The following HLA-DQA2 variants were observed in gnomAD, a reference collection of about 807,000 sequenced individuals.
HLA-DQA2 encodes the protein HLA class II histocompatibility antigen, DQ alpha 2 chain.
A neutral mutation model predicts 21.0 loss-of-function variants in HLA-DQA2; 17 were observed. The observed-to-expected ratio is 0.81, with a 90% CI of 0.56 to 1.22. The LOEUF is 1.22. Among genes scored for constraint, HLA-DQA2 ranks in the 50% most tolerant of loss-of-function variants. HLA-DQA2 has a pLI of 0.00. For synonymous variants in HLA-DQA2, 81 were observed against 116.5 expected, an observed-to-expected ratio of 0.70 and a Z score of 1.96; for missense variants, 239 against 308.8, an observed-to-expected ratio of 0.77 and a Z score of 1.69.
rs1415285239 is a variant in HLA-DQA2, at chr6:32,745,408, G to T, written c.331+1G>T. 4.3e-6 allele frequency: 7 copies of T among 1,613,624 alleles called. No homozygotes were observed. Among genetic ancestry groups the T allele is most frequent in the Non-Finnish European group, 5.9e-6 (7 of 1,179,848 alleles). ...TCCAACTCTACCGCTGCCACCAATG[G>T]TACGTGTCCACCATTCCGCCTCTCT... On this transcript the variant is annotated splice_donor_variant, in intron 2 of 4. Transcript: ENST00000374940. LOFTEE classifies it high-confidence loss of function.
At position 32,741,427 on chromosome 6, in the gene HLA-DQA2, G is replaced by C. The variant is rs9276401; in HGVS notation, c.-17G>C. On this transcript the variant is annotated 5_prime_UTR_variant, in exon 1 of 5. Transcript: ENST00000374940. ...ACAGCTCAGAGCAGCAACTGCTGAG[G>C]CTGCCTTGGGAAGAAGATGATCCTA... 0.2 allele frequency: 321,898 copies of C among 1,606,718 alleles called. 29,821 individuals are homozygous for C. Among genetic ancestry groups the C allele is most frequent in the African/African-American group, 0.29 (21,365 of 74,192 alleles).
rs773803332 is a variant in HLA-DQA2, at chr6:32,745,386, A to G, written c.310A>G (p.Asn104Asp). The change falls in exon 2 of 5, where the codon AAC becomes GAC. Residue 104 changes from asparagine (N) to aspartate (D), a missense_variant. By Grantham distance (23) the Asn-to-Asp change is conservative (BLOSUM62 1). Transcript: ENST00000374940. ...HTLEFMMRQS[N>D]STAATNEVPE... The stretch of plus-strand genomic sequence containing the variant: ...CTTGGAATTCATGATGAGACAGTCC[A>G]ACTCTACCGCTGCCACCAATGGTAC... The G allele has an allele frequency of 6.2e-7, 1 of 1,611,438 alleles. No individual in the cohort carries two copies. Among genetic ancestry groups the G allele is most frequent in the East Asian group, 2.2e-5 (1 of 44,842 alleles).
At chr6:32,746,439 G>A in intron 4 of HLA-DQA2, 25 bp downstream of exon 4, 1 of 1,612,182 alleles carries the variant, frequency 6.2e-7, no homozygotes, top group Non-Finnish European at 8.5e-7. Context: ...TGTTGGAGCT[G>A]AAACCTCAGT....
In HLA-DQA2 at chr6:32,746,091, A is replaced by G. The variant is rs1213916756; in HGVS notation, c.613+19A>G. The G allele has an allele frequency of 6.3e-7, 1 of 1,599,984 alleles. No individual in the cohort carries two copies. The highest frequency in any genetic ancestry group is 1.3e-5 in the African/African-American group (1 of 74,814). ...CACTGGGGTAAGGATGAGTTCCACC[A>G]CTTCATGGGTTTCTAATAATAGACT... On this transcript the variant is annotated intron_variant, in intron 3 of 4. Transcript: ENST00000374940.
intron 3 of HLA-DQA2, 62 bp from the exon 4 acceptor site, chr6:32,746,178 A>G: frequency 6.4e-7 from 1 of 1,562,048 alleles, no homozygotes; most frequent in Non-Finnish European, 8.7e-7. Context: ...ACCCCATCCC[A>G]TCCCACACAC....
At position 32,745,271 on chromosome 6, in the gene HLA-DQA2, A is replaced by C; in HGVS notation, c.195A>C (p.Lys65Asn). 6.5e-7 allele frequency: 1 copy of C among 1,545,982 alleles called. No individual in the cohort carries two copies. Among genetic ancestry groups the C allele is most frequent in the Non-Finnish European group, 8.8e-7 (1 of 1,141,814 alleles). ...AGTTCTATGTGGACCTGGAGACGAA[A>C]GAGACTGTCTGGCAGTTGCCTATGT... ...DEEFYVDLET[K>N]ETVWQLPMFS... The change falls in exon 2 of 5, where the codon AAA (lysine) becomes AAC (asparagine). Residue 65 changes from lysine to asparagine, a missense_variant. Physicochemically the swap from Lys to Asn is moderately conservative, Grantham distance 94 (BLOSUM62 0). Transcript: ENST00000374940.
Position 32,746,474 on chromosome 6 carries a change from G to A in HLA-DQA2, c.*20+60G>A, listed in dbSNP as rs186864820. 25 of 1,590,054 alleles carry A rather than the reference G, an allele frequency of 1.6e-5. No individual in the cohort carries two copies. The African/African-American group carries it at 2.8e-4, about 18-fold the overall frequency. ...TATGAGAGGGAGGAAAGTGGGAGGG[G>A]GTTGTGGACATGAATGTGGTTGAAA... On this transcript the variant is annotated intron_variant, in intron 4 of 4. Coordinates refer to ENST00000374940, the MANE Select transcript of HLA-DQA2 (RefSeq NM_020056.5).
At chr6:32,741,860 G>T (rs1763238956) in intron 1 of HLA-DQA2, among the ~76,000 whole-genome samples, 1 of 152,052 alleles carries the variant, frequency 6.6e-6, no homozygotes, top group African/African-American at 2.4e-5. Context: ...AAAAATTTCT[G>T]AACTGTTACT....
intron 2 of HLA-DQA2, 138 bp downstream of exon 2, chr6:32,745,545 T>A: frequency 6.9e-6 from 7 of 1,020,134 alleles, no homozygotes; most frequent in Non-Finnish European, 1.0e-5. Context: ...TAAAATCACA[T>A]ATTCCCATGT....
chr6:32,742,023 C>T (rs1260429646), intron 1 of HLA-DQA2, among the ~76,000 whole-genome samples: 1 of 152,120 alleles, frequency 6.6e-6, no homozygotes, highest in African/African-American at 2.4e-5. Context: ...TGGGAATTGG[C>T]ACAGGTGGGG....
At chr6:32,741,844 G>A (rs1763238067) in intron 1 of HLA-DQA2, among the ~76,000 whole-genome samples, 1 of 151,680 alleles carries the variant, frequency 6.6e-6, no homozygotes, top group Non-Finnish European at 1.5e-5. Context: ...GTATTTTTTT[G>A]TTATTAAAAA....
In HLA-DQA2 at chr6:32,746,068, C is replaced by T; in HGVS notation, c.609C>T (p.His203=). 1 of 1,612,534 alleles carries T rather than the reference C, an allele frequency of 6.2e-7. No individual in the cohort carries two copies. Among genetic ancestry groups the T allele is most frequent in the Non-Finnish European group, 8.5e-7 (1 of 1,179,640 alleles). ...HWGLDEPLLK[H]WEPEIPAPMS... ...GCCTGGACGAGCCTCTTCTGAAACA[C>T]TGGGGTAAGGATGAGTTCCACCACT... Residue 203 remains histidine, a synonymous_variant, in exon 3 of 5, where the codon CAC becomes CAT. Coordinates refer to ENST00000374940, the MANE Select transcript of HLA-DQA2 (RefSeq NM_020056.5).
chr6:32,741,910 C>T (rs1763240627), intron 1 of HLA-DQA2, among the ~76,000 whole-genome samples: 1 of 152,036 alleles, frequency 6.6e-6, no homozygotes, highest in Non-Finnish European at 1.5e-5. Context: ...TTTTCATATG[C>T]CTCCTATAGC....
At chr6:32,746,188 C>T in intron 3 of HLA-DQA2, 52 bp from the exon 4 acceptor site, 1 of 1,588,154 alleles carries the variant, frequency 6.3e-7, no homozygotes, top group Non-Finnish European at 8.5e-7. Context: ...ATCCCACACA[C>T]ATGCACATGA....
At chr6:32,741,936 T>C (rs1348257064) in intron 1 of HLA-DQA2, among the ~76,000 whole-genome samples, 1 of 152,192 alleles carries the variant, frequency 6.6e-6, no homozygotes, top group Non-Finnish European at 1.5e-5. Flanking sequence ...TTGGGGTAGA[T>C]AGTTCCATGA....
intron 1 of HLA-DQA2, among the ~76,000 whole-genome samples, chr6:32,743,973 A>T (rs959586507): frequency 6.6e-6 from 1 of 152,242 alleles, no homozygotes; most frequent in Non-Finnish European, 1.5e-5. Context: ...TTCAGGGAGA[A>T]AAAACAGACC....
intron 4 of HLA-DQA2, 61 bp downstream of exon 4, chr6:32,746,475 G>T: frequency 6.3e-7 from 1 of 1,584,970 alleles, no homozygotes; most frequent in Non-Finnish European, 8.7e-7. Context: ...GTGGGAGGGG[G>T]TTGTGGACAT....
Position 32,741,487 on chromosome 6 carries a change from C to A in HLA-DQA2, c.44C>A (p.Thr15Asn). The change falls in exon 1 of 5, where the codon ACT (threonine) becomes AAT (asparagine). Residue 15 changes from threonine (T) to asparagine (N), a missense_variant. Physicochemically the swap from Thr to Asn is moderately conservative, Grantham distance 65. Transcript: ENST00000374940. ...KALLLGALALTAVMSPCGGED... is the reference protein window; with the variant it reads ...KALLLGALALNAVMSPCGGED... The stretch of plus-strand genomic sequence containing the variant: ...CTGCTGCTGGGGGCCCTCGCCCTGA[C>A]TGCCGTGATGAGCCCCTGTGGAGGT... 2 of 1,614,108 alleles carry A rather than the reference C, an allele frequency of 1.2e-6. No individual in the cohort carries two copies. The highest frequency in any genetic ancestry group is 1.7e-6 in the Non-Finnish European group (2 of 1,180,014).
chr6:32,742,441 C>T (rs1582323131), intron 1 of HLA-DQA2, among the ~76,000 whole-genome samples: 1 of 152,196 alleles, frequency 6.6e-6, no homozygotes, highest in Admixed American at 6.5e-5. Flanking sequence ...TCGTCCATCT[C>T]TTCCCACCTC....
Sources: allele counts gnomAD v4.1 joint callset (sites outside exome capture counted in the v4.1 genomes callset), GRCh38; gene constraint gnomAD v4.1.1; transcripts MANE v1.5; gene names NCBI Gene and HGNC (gene_info 2026-07-23, HGNC 2026-07-21).